The following COL11A2 variants were observed in gnomAD, a reference collection of about 807,000 sequenced individuals.
The protein encoded by COL11A2 is collagen alpha-2(XI) chain.
A neutral mutation model predicts 273.4 loss-of-function variants in COL11A2; 116 were observed. The ratio of observed to expected loss-of-function variants is 0.42; its 90% CI spans 0.36 to 0.49. The LOEUF (loss-of-function observed/expected upper bound fraction) is 0.49, where lower values mean the gene tolerates loss of function less well. Among genes scored for constraint, COL11A2 ranks in the 20% least tolerant of loss-of-function variants. The probability of loss-of-function intolerance (pLI) is 0.00; values close to 1 mark genes in which losing one functional copy is unlikely to be tolerated. For synonymous variants in COL11A2, 782 were observed against 864.2 expected (o/e 0.90, Z 1.67); for missense variants, 1,866 against 2,309.0 (o/e 0.81, Z 3.93).
intron 4 of COL11A2, among the ~76,000 whole-genome samples, chr6:33,187,410 G>T (rs1358261817): frequency 1.3e-5 from 2 of 152,200 alleles, no homozygotes; most frequent in South Asian, 2.1e-4. Context: ...AGCTCTTGGG[G>T]GTGATAGAGA....
Position 33,182,477 on chromosome 6 carries a change from C to T in COL11A2, c.1120-1307G>A, listed in dbSNP as rs116667448. ...CTGTAATCCCAGCACTTTGTGGGGC[C>T]GAAACAGGCAGCTTATTTGAGGTCA... On this transcript the variant is annotated intron_variant, in intron 8 of 65. Coordinates refer to ENST00000341947, the MANE Select transcript of COL11A2 (RefSeq NM_080680.3). Among the ~76,000 whole-genome samples the T allele has an allele frequency of 3.7e-3, 562 of 152,068 alleles. 8 individuals carry two copies. Among genetic ancestry groups the T allele is most frequent in the African/African-American group, 0.012 (512 of 41,460 alleles).
rs1770203225 is a variant in COL11A2, at chr6:33,172,236, G to GGT, written c.2988+52_2988+53insAC. ...GGGTCAGGGACAGGGTCGGGGTGGG[G>GGT]ACTCAGGATGCTTGGTGCTTGTGAC... On this transcript the variant is annotated intron_variant, in intron 40 of 65. Transcript: ENST00000341947. 4.7e-6 allele frequency: 7 copies of GGT among 1,481,542 alleles called. No homozygotes were observed. The African/African-American group carries it at 9.7e-5, about 21-fold the overall frequency. 91.8% of individuals were successfully genotyped at this position (1,481,542 alleles called of 1,614,324 possible).
intron 40 of COL11A2, 76 bp downstream of exon 40, chr6:33,172,213 G>T: frequency 6.4e-7 from 1 of 1,553,510 alleles, no homozygotes; most frequent in Non-Finnish European, 8.9e-7. Flanking sequence ...CATGGAGGGG[G>T]TCAGGGACAG....
At chr6:33,191,171 A>G (rs1400128047) in intron 1 of COL11A2, among the ~76,000 whole-genome samples, 1 of 152,200 alleles carries the variant, frequency 6.6e-6, no homozygotes, top group East Asian at 1.9e-4. Flanking sequence ...CCTAGAGTCT[A>G]CAGGCACCAT....
chr6:33,180,204 C>G, intron 12 of COL11A2, 54 bp downstream of exon 12: 5 of 1,541,378 alleles, frequency 3.2e-6, no homozygotes, highest in Non-Finnish European at 4.5e-6. Flanking sequence ...GGTAACATGA[C>G]ACAATTCCTT....
chr6:33,188,271 G>T, intron 4 of COL11A2, 91 bp downstream of exon 4: 1 of 1,453,840 alleles, frequency 6.9e-7, no homozygotes, highest in South Asian at 1.1e-5. Flanking sequence ...GAAGGCCTAG[G>T]GAATAGGAAG....
chr6:33,173,178 G>A lies in COL11A2; in HGVS notation c.2737-65C>T. On this transcript the variant is annotated intron_variant, in intron 37 of 65. Coordinates refer to ENST00000341947, the MANE Select transcript of COL11A2 (RefSeq NM_080680.3). The surrounding 1 kb of genome is among the most constrained non-coding windows in gnomAD (Gnocchi z 6.3). ...TGGGCGCTGTGGGGCAGATTCCCAG[G>A]AGGAAGGATCCCAGGCAGGATCACA... 6.4e-7 allele frequency: 1 copy of A among 1,570,580 alleles called. No individual in the cohort carries two copies. The highest frequency in any genetic ancestry group is 1.8e-5 in the Admixed American group (1 of 54,826).
At chr6:33,186,954 C>T in intron 4 of COL11A2, 136 bp from the exon 5 acceptor site, 1 of 1,156,730 alleles carries the variant, frequency 8.6e-7, no homozygotes, top group Non-Finnish European at 1.3e-6. Context: ...CCTCCATATG[C>T]ATAGCCCTTT....
At position 33,188,870 on chromosome 6, in the gene COL11A2, G is replaced by C. The variant is rs570327159; in HGVS notation, c.443+108C>G. 3.2e-6 allele frequency: 4 copies of C among 1,266,122 alleles called. No homozygotes were observed. The East Asian group carries it at 9.2e-5, about 29-fold the overall frequency. 78.4% of individuals were successfully genotyped at this position (1,266,122 alleles called of 1,614,324 possible). A position where few individuals can be genotyped will look rare whatever the true frequency, so the allele number is the denominator to read the frequency against. ...GAAGTTTGGGCAGTGGGTAGGTGTGGTGTGGCCCAAAGGGTCTCAAGGGTT... is the reference window on the plus strand; with the variant it reads ...GAAGTTTGGGCAGTGGGTAGGTGTGCTGTGGCCCAAAGGGTCTCAAGGGTT... On this transcript the variant is annotated intron_variant, in intron 3 of 65. Transcript: ENST00000341947.
Position 33,165,840 on chromosome 6 carries a change from G to A in COL11A2, c.4483-24C>T. On this transcript the variant is annotated intron_variant, in intron 62 of 65. Transcript: ENST00000341947. The surrounding 1 kb of genome is among the most constrained non-coding windows in gnomAD (Gnocchi z 7.7). ...CCCTGGGTGCAGGGACAGATGGAGA[G>A]GGCAAGAGACAAGGTTGGTGTGAGG... The A allele has an allele frequency of 1.2e-6, 2 of 1,613,680 alleles. No individual in the cohort carries two copies. The highest frequency in any genetic ancestry group is 1.7e-6 in the Non-Finnish European group (2 of 1,180,006).
At position 33,173,419 on chromosome 6, in the gene COL11A2, G is replaced by T. The variant is rs1466831685; in HGVS notation, c.2683-18C>A. The stretch of plus-strand genomic sequence containing the variant: ...GGGGGGCCCTGGAAGGGGTTCAGTT[G>T]TCAGGTGAACTCTCAGCTGGAAAGC... On this transcript the variant is annotated intron_variant, in intron 36 of 65. Coordinates refer to ENST00000341947, the MANE Select transcript of COL11A2 (RefSeq NM_080680.3). This position sits in a 1 kb window ranked among gnomAD's most constrained non-coding sequence, Gnocchi z 6.3. 1.9e-6 allele frequency: 3 copies of T among 1,613,160 alleles called. No homozygotes were observed. Among genetic ancestry groups the T allele is most frequent in the Non-Finnish European group, 2.5e-6 (3 of 1,179,918 alleles).
At chr6:33,187,864 T>C (rs1462088656) in intron 4 of COL11A2, among the ~76,000 whole-genome samples, 1 of 146,462 alleles carries the variant, frequency 6.8e-6, no homozygotes, top group Non-Finnish European at 1.5e-5. Context: ...GGTGGGTGAG[T>C]GAATAGCTGG....
At chr6:33,187,014 G>C (rs1429269362) in intron 4 of COL11A2, among the ~76,000 whole-genome samples, 196 bp from the exon 5 acceptor site, 1 of 152,162 alleles carries the variant, frequency 6.6e-6, no homozygotes, top group Non-Finnish European at 1.5e-5. Context: ...AGGAAAGTTG[G>C]CAGAACAAGG....
At position 33,184,164 on chromosome 6, in the gene COL11A2, T is replaced by C; in HGVS notation, c.1100A>G (p.Glu367Gly). The change falls in exon 8 of 66, where the codon GAG becomes GGG. Residue 367 changes from glutamate (E) to glycine (G), a missense_variant. By Grantham distance (98) the Glu-to-Gly change is moderately conservative. Coordinates refer to ENST00000341947, the MANE Select transcript of COL11A2 (RefSeq NM_080680.3). Reference sequence around the variant, plus strand: ...ACTTACGGCTCCTGAGTGGGCTGTCTCCGCAGAGAGGGCAGGGCCAAGCTC... The same window carrying C: ...ACTTACGGCTCCTGAGTGGGCTGTCCCCGCAGAGAGGGCAGGGCCAAGCTC... ...ETELGPALSA[E>G]TAHSGAAAHG... The C allele has an allele frequency of 7.3e-7, 1 of 1,367,310 alleles. No individual in the cohort carries two copies. The highest frequency in any genetic ancestry group is 9.8e-7 in the Non-Finnish European group (1 of 1,021,982). The allele number at this position is 1,367,310 out of a possible 1,614,324, so 84.7% of individuals were successfully genotyped here.
In COL11A2 at chr6:33,192,287, A is replaced by G; in HGVS notation, c.-47T>C. ...GGTCCCAGGGACCCAGGTCGGCCTG[A>G]GACGCTGGATGCCCTGAGGCTGACA... On this transcript the variant is annotated 5_prime_UTR_variant, in exon 1 of 66. Coordinates refer to ENST00000341947, the MANE Select transcript of COL11A2 (RefSeq NM_080680.3). 21 of 1,527,436 alleles carry G rather than the reference A, an allele frequency of 1.4e-5. No homozygotes were observed. Among genetic ancestry groups the G allele is most frequent in the Non-Finnish European group, 1.9e-5 (21 of 1,127,966 alleles). 94.6% of individuals were successfully genotyped at this position (1,527,436 alleles called of 1,614,324 possible).
chr6:33,185,635 T>G lies in COL11A2; in HGVS notation c.876+66A>C. The G allele has an allele frequency of 5.9e-6, 4 of 672,738 alleles. No homozygotes were observed. The Admixed American group carries it at 7.8e-5, about 13-fold the overall frequency. The allele number at this position is 672,738 out of a possible 1,614,324, so 41.7% of individuals were successfully genotyped here. A position where few individuals can be genotyped will look rare whatever the true frequency, so the allele number is the denominator to read the frequency against. ...CGGCATGGGGGAGGGGAGGAAGGTG[T>G]CCTAGGAGATGATTGCTGGGGGTGC... On this transcript the variant is annotated intron_variant, in intron 6 of 65. Coordinates refer to ENST00000341947, the MANE Select transcript of COL11A2 (RefSeq NM_080680.3).
intron 8 of COL11A2, 73 bp downstream of exon 8, chr6:33,184,072 C>T (rs1277679689): frequency 6.1e-6 from 8 of 1,302,146 alleles, no homozygotes; most frequent in African/African-American, 6.0e-5. Flanking sequence ...AGCCAAGGAT[C>T]GAAACCAACA....
At chr6:33,188,579 TC>T in intron 3 of COL11A2, 55 bp from the exon 4 acceptor site, 1 of 1,604,590 alleles carries the variant, frequency 6.2e-7, no homozygotes, top group Non-Finnish European at 8.5e-7. Flanking sequence ...AGTAGGGGAG[TC>T]AACATGGTTG....
chr6:33,169,285 T>C lies in COL11A2; in HGVS notation c.3798+98A>G. The C allele has an allele frequency of 8.7e-7, 1 of 1,149,098 alleles. No individual in the cohort carries two copies. The highest frequency in any genetic ancestry group is 1.3e-6 in the Non-Finnish European group (1 of 786,656). The allele number at this position is 1,149,098 out of a possible 1,614,324, so 71.2% of individuals were successfully genotyped here. A position where few individuals can be genotyped will look rare whatever the true frequency, so the allele number is the denominator to read the frequency against. ...CAGAGCATCCCCCAAACTCCCGGGC[T>C]CCCCACACTCCAAGATCCTCCCTCA... On this transcript the variant is annotated intron_variant, in intron 51 of 65. Coordinates refer to ENST00000341947, the MANE Select transcript of COL11A2 (RefSeq NM_080680.3). This position sits in a 1 kb window ranked among gnomAD's most constrained non-coding sequence, Gnocchi z 5.5.
Sources: gnomAD v4.1 joint callset for allele counts (sites outside exome capture counted in the v4.1 genomes callset) on GRCh38, gnomAD v4.1.1 for gene constraint, Gnocchi (gnomAD v3.1) non-coding constraint, MANE v1.5 for transcripts, NCBI Gene and HGNC (gene_info 2026-07-23, HGNC 2026-07-21) for gene names.